Variants in TANK observed in about 807,000 individuals in gnomAD.
The protein encoded by TANK is TRAF family member associated NFKB activator.
In TANK, 15 loss-of-function variants were observed where a neutral mutation model predicts 43.6. The observed-to-expected ratio is 0.34, with a 90% CI of 0.23 to 0.53. TANK has a LOEUF of 0.53. Among genes scored for constraint, TANK ranks in the 20% least tolerant of loss-of-function variants. The pLI is 0.94. For missense variants in TANK, 417 were observed against 498.6 expected, an observed-to-expected ratio of 0.84 and a Z score of 1.56; for synonymous variants, 162 against 178.2, an observed-to-expected ratio of 0.91 and a Z score of 0.73.
intron 2 of TANK, among the ~76,000 whole-genome samples, chr2:161,189,179 T>C (rs1685802446): frequency 6.6e-6 from 1 of 152,170 alleles, no homozygotes; most frequent in Non-Finnish European, 1.5e-5. Flanking sequence ...ATTAAAAGAA[T>C]TACATATCAT....
intron 2 of TANK, among the ~76,000 whole-genome samples, chr2:161,180,497 A>T (rs1685369273): frequency 1.3e-5 from 2 of 152,192 alleles, no homozygotes; most frequent in African/African-American, 4.8e-5. Flanking sequence ...CATTTATTTC[A>T]TCTAAAATTC....
At chr2:161,182,969 T>C (rs1685496687) in intron 2 of TANK, among the ~76,000 whole-genome samples, 1 of 152,124 alleles carries the variant, frequency 6.6e-6, no homozygotes. Flanking sequence ...TTCCAAGGCC[T>C]GAAGCACCTC....
chr2:161,157,016 A>G (rs1323686581), upstream of TANK, among the ~76,000 whole-genome samples: 1 of 152,206 alleles, frequency 6.6e-6, no homozygotes, highest in East Asian at 1.9e-4. Flanking sequence ...GGTATTCTCT[A>G]GGCCGTAGCT....
upstream of TANK, chr2:161,156,325 A>C: frequency 1.0e-6 from 1 of 985,428 alleles, no homozygotes; most frequent in Non-Finnish European, 1.2e-6. Flanking sequence ...TTGCCATTGC[A>C]TGTTGTTCTG....
intron 2 of TANK, among the ~76,000 whole-genome samples, chr2:161,184,263 T>C (rs1395241202): frequency 6.6e-6 from 1 of 152,156 alleles, no homozygotes; most frequent in Admixed American, 6.5e-5. Context: ...TTTGGAACAG[T>C]CTTCCTGACA....
intron 1 of TANK, among the ~76,000 whole-genome samples, chr2:161,173,240 T>C (rs2105279980): frequency 6.6e-6 from 1 of 152,310 alleles, no homozygotes; most frequent in Middle Eastern, 3.4e-3. Context: ...TAGCTTATCA[T>C]GGCACCCTCA....
At chr2:161,145,058 T>C (rs1683865684) in intron 1 of TANK, among the ~76,000 whole-genome samples, 1 of 151,984 alleles carries the variant, frequency 6.6e-6, no homozygotes, top group Admixed American at 6.6e-5. Context: ...GTAATGCTCT[T>C]CTTTGTCTTT....
chr2:161,150,928 A>G (rs552311103), intron 1 of TANK, among the ~76,000 whole-genome samples: 1 of 151,998 alleles, frequency 6.6e-6, no homozygotes, highest in South Asian at 2.1e-4. Context: ...ACTGCTATTA[A>G]TTTTCCTCTG....
At chr2:161,191,612 A>G (rs1466109658) in intron 2 of TANK, among the ~76,000 whole-genome samples, 2 of 152,226 alleles carry the variant, frequency 1.3e-5, no homozygotes, top group Non-Finnish European at 2.9e-5. Flanking sequence ...GCCCACAACC[A>G]CATAGCTACT....
At chr2:161,153,146 T>C (rs1173418129) in intron 1 of TANK, among the ~76,000 whole-genome samples, 1 of 152,060 alleles carries the variant, frequency 6.6e-6, no homozygotes, top group East Asian at 1.9e-4. Context: ...TTTGTTATTG[T>C]GCCATTCAGC....
intron 2 of TANK, among the ~76,000 whole-genome samples, chr2:161,199,660 G>A (rs1213705827): frequency 1.3e-5 from 2 of 152,086 alleles, no homozygotes; most frequent in Non-Finnish European, 2.9e-5. Flanking sequence ...CCAGAGTATG[G>A]GCAACCATTT....
At chr2:161,156,714 G>A (rs746072550), upstream of TANK, among the ~76,000 whole-genome samples, 2 of 152,178 alleles carry the variant, frequency 1.3e-5, no homozygotes, top group Admixed American at 1.3e-4. Flanking sequence ...GACATGCACA[G>A]TCAACAGCTA....
intron 2 of TANK, 185 bp downstream of exon 2, chr2:161,179,946 A>T (rs1161961844): frequency 7.8e-7 from 1 of 1,277,442 alleles, no homozygotes; most frequent in Non-Finnish European, 9.9e-7. Flanking sequence ...AAATATTGCA[A>T]CCCATAGGAA....
intron 2 of TANK, among the ~76,000 whole-genome samples, chr2:161,186,737 G>A (rs1390728734): frequency 6.6e-6 from 1 of 152,148 alleles, no homozygotes; most frequent in East Asian, 1.9e-4. Context: ...ACAAAGTACA[G>A]AGACAACCTA....
intron 5 of TANK, 150 bp from the exon 6 acceptor site, chr2:161,224,481 T>C: frequency 2.2e-6 from 1 of 451,938 alleles, no homozygotes; most frequent in African/African-American, 2.0e-5. Context: ...CAAGCTGATT[T>C]TGGGGACATT....
intron 1 of TANK, among the ~76,000 whole-genome samples, chr2:161,145,025 T>G (rs1304855034): frequency 1.3e-5 from 2 of 152,122 alleles, no homozygotes; most frequent in Non-Finnish European, 2.9e-5. Context: ...CTCTTCTTGT[T>G]GCATTGATCC....
At chr2:161,205,128 C>G (rs999971240) in intron 4 of TANK, 1 of 354,544 alleles carries the variant, frequency 2.8e-6, no homozygotes, top group Non-Finnish European at 4.5e-6. Context: ...AGTTTGAGAC[C>G]AGCCTGGGCA....
intron 1 of TANK, among the ~76,000 whole-genome samples, chr2:161,178,534 A>C (rs974995151): frequency 6.6e-6 from 1 of 151,952 alleles, no homozygotes; most frequent in African/African-American, 2.4e-5. Flanking sequence ...CTTAATAGGT[A>C]TGGACTGTTT....
intron 4 of TANK, among the ~76,000 whole-genome samples, chr2:161,222,606 A>G (rs1184209001): frequency 6.6e-6 from 1 of 152,118 alleles, no homozygotes. Context: ...TACCACTTTT[A>G]AAAACAAACT....
Sources: allele counts gnomAD v4.1 joint callset (sites outside exome capture counted in the v4.1 genomes callset), GRCh38; gene constraint gnomAD v4.1.1; transcripts MANE v1.5; gene names NCBI Gene and HGNC (gene_info 2026-07-23, HGNC 2026-07-21).